Variants in UNC79 observed in about 807,000 individuals in gnomAD.
UNC79 encodes the protein unc-79 subunit of NALCN channel complex.
In UNC79, 37 loss-of-function variants were observed where a neutral mutation model predicts 283.1. The observed-to-expected ratio is 0.13, with a 90% confidence interval of 0.10 to 0.17. UNC79 has a LOEUF of 0.17. Ranked by LOEUF, UNC79 falls within the 10% of genes least tolerant of loss-of-function variation. The pLI is 1.00. For synonymous variants in UNC79, 1,107 were observed against 1,200.2 expected, an observed-to-expected ratio of 0.92 and a Z score of 1.61; for missense variants, 2,272 against 3,211.1, an observed-to-expected ratio of 0.71 and a Z score of 7.07.
At chr14:93,396,445 T>C in intron 1 of UNC79, among the ~76,000 whole-genome samples, 1 of 152,162 alleles carries the variant, frequency 6.6e-6, no homozygotes, top group East Asian at 1.9e-4. Flanking sequence ...TGTTGATTGC[T>C]TGTTTTCCTT....
chr14:93,396,106 ACT>A (rs2054991243), intron 1 of UNC79, among the ~76,000 whole-genome samples: 1 of 148,374 alleles, frequency 6.7e-6, no homozygotes, highest in Non-Finnish European at 1.5e-5. Flanking sequence ...CAGACTAGAC[ACT>A]CTCAATCGAC....
chr14:93,337,840 C>T (rs576462395), intron 1 of UNC79, among the ~76,000 whole-genome samples: 1 of 152,118 alleles, frequency 6.6e-6, no homozygotes, highest in East Asian at 1.9e-4. Flanking sequence ...TGTTTCCAAG[C>T]TTTTGGGTGC....
exon 1 of UNC79, chr14:93,333,293 C>G (rs1330817615): frequency 8.1e-6 from 3 of 371,880 alleles, no homozygotes; most frequent in Non-Finnish European, 4.7e-6. Context: ...CCTGCTTAGT[C>G]CAGCGAATTG....
Position 93,496,408 on chromosome 14 carries a change from C to A in UNC79, c.713-3C>A. On this transcript the variant is annotated splice_region_variant and splice_polypyrimidine_tract_variant and intron_variant, in intron 5 of 48. Transcript: ENST00000555664. ...TGTATGAATTACATTTTCTACATTA[C>A]AGTGTATCATTGTCAATTACTGGAA... 1.3e-6 allele frequency: 2 copies of A among 1,534,696 alleles called. No individual in the cohort carries two copies. The highest frequency in any genetic ancestry group is 2.2e-5 in the Admixed American group (1 of 45,474).
chr14:93,636,115 T>C (rs2068487520), intron 31 of UNC79, among the ~76,000 whole-genome samples: 2 of 152,224 alleles, frequency 1.3e-5, no homozygotes, highest in South Asian at 4.1e-4. Context: ...ACAGTAGTTA[T>C]AAAAAGGCAA....
chr14:93,357,676 CATATAT>C (rs60284787), intron 1 of UNC79, among the ~76,000 whole-genome samples: 1,433 of 32,318 alleles, frequency 0.044, 20 homozygotes, highest in East Asian at 0.055. Flanking sequence ...AATAAACTCC[CATATAT>C]ATATATATAT....
intron 1 of UNC79, chr14:93,347,346 C>T: frequency 6.3e-7 from 1 of 1,597,436 alleles, no homozygotes. Context: ...AGCCCGCTCC[C>T]CGCTTCGCCC....
intron 2 of UNC79, among the ~76,000 whole-genome samples, chr14:93,473,359 A>G (rs772594579): frequency 6.6e-5 from 10 of 152,168 alleles, no homozygotes; most frequent in Non-Finnish European, 1.3e-4. Context: ...AACCATTATC[A>G]TTAGTTCACA....
At chr14:93,459,048 G>A (rs1397250940) in intron 1 of UNC79, among the ~76,000 whole-genome samples, 2 of 152,204 alleles carry the variant, frequency 1.3e-5, no homozygotes, top group Non-Finnish European at 2.9e-5. Flanking sequence ...CTGCAGTGCC[G>A]TGGCGTGATC....
At chr14:93,387,643 AT>A (rs1197281503) in intron 1 of UNC79, among the ~76,000 whole-genome samples, 7 of 152,142 alleles carry the variant, frequency 4.6e-5, no homozygotes, top group Non-Finnish European at 1.5e-5. Flanking sequence ...TTTAAGACTT[AT>A]TTTGTGAACT....
Position 93,393,629 on chromosome 14 carries a change from C to G in UNC79, c.-351+60106C>G, listed in dbSNP as rs549547528. 9.8e-4 allele frequency among the ~76,000 whole-genome samples: 149 copies of G among 152,256 alleles called. 1 individual carries two copies. Among genetic ancestry groups the G allele is most frequent in the African/African-American group, 3.4e-3 (140 of 41,554 alleles). On this transcript the variant is annotated intron_variant, in intron 1 of 49. Transcript: ENST00000256339. Reference sequence around the variant, plus strand: ...GTGAACAATGAATATGCAAACTTTTCTAGGTAGACTGGATAGAATCTTTTA... The same window carrying G: ...GTGAACAATGAATATGCAAACTTTTGTAGGTAGACTGGATAGAATCTTTTA...
chr14:93,462,073 G>A (rs1055857869), intron 1 of UNC79, among the ~76,000 whole-genome samples: 5 of 152,174 alleles, frequency 3.3e-5, no homozygotes, highest in African/African-American at 9.7e-5. Context: ...TTGGGAGGCC[G>A]AGGCGGTCAG....
chr14:93,358,894 T>C (rs1320262440), intron 1 of UNC79, among the ~76,000 whole-genome samples: 1 of 152,162 alleles, frequency 6.6e-6, no homozygotes, highest in East Asian at 1.9e-4. Context: ...ATAACTAGAC[T>C]AAAGTCCCAG....
At chr14:93,463,974 C>T (rs2140235341) in intron 1 of UNC79, among the ~76,000 whole-genome samples, 1 of 152,118 alleles carries the variant, frequency 6.6e-6, no homozygotes, top group East Asian at 1.9e-4. Context: ...ACGGTGAAAC[C>T]CCATCTCTAC....
Position 93,420,114 on chromosome 14 carries a change from A to G in UNC79, c.-350-47557A>G, listed in dbSNP as rs563390669. 1.5e-3 allele frequency among the ~76,000 whole-genome samples: 222 copies of G among 151,426 alleles called. 2 individuals are homozygous for G. Among genetic ancestry groups the G allele is most frequent in the African/African-American group, 5.3e-3 (218 of 41,456 alleles). Reference sequence around the variant, plus strand: ...GGTAGGAGTAAGTCCTTACTTATCAATAATAACATTGAATGTAAATTAACT... The same window carrying G: ...GGTAGGAGTAAGTCCTTACTTATCAGTAATAACATTGAATGTAAATTAACT... On this transcript the variant is annotated intron_variant, in intron 1 of 49. Transcript: ENST00000256339.
At position 93,612,925 on chromosome 14, in the gene UNC79, G is replaced by A. The variant is rs1047896978; in HGVS notation, c.3883G>A (p.Ala1295Thr). The change falls in exon 27 of 49, where the codon GCT becomes ACT. Residue 1295 changes from alanine (A) to threonine (T), a missense_variant. Ala to Thr is a moderately conservative substitution (Grantham distance 58). Around this residue, in one of 11 missense-constraint regions of UNC79, gnomAD observed 128 missense variants for 230.3 expected, o/e 0.56. Coordinates refer to ENST00000555664, the Ensembl canonical transcript of UNC79. ...GTTCATGGCCAAGGATGAAAGCAGC[G>A]CTGAGTCAGACATCAGCAGTGCAAA... 1.1e-5 allele frequency: 17 copies of A among 1,613,946 alleles called. No individual in the cohort carries two copies. The highest frequency in any genetic ancestry group is 6.7e-5 in the Admixed American group (4 of 59,996).
At chr14:93,559,401 T>A (rs2062402217) in intron 14 of UNC79, among the ~76,000 whole-genome samples, 1 of 152,240 alleles carries the variant, frequency 6.6e-6, no homozygotes. Flanking sequence ...TTCATGCACG[T>A]CTGTGTGAAA....
chr14:93,358,423 T>A (rs1335700612), intron 1 of UNC79, among the ~76,000 whole-genome samples: 2 of 152,196 alleles, frequency 1.3e-5, no homozygotes, highest in African/African-American at 4.8e-5. Flanking sequence ...CTTCTAAGAT[T>A]GCCCTGAATG....
chr14:93,349,002 A>G (rs190785514), intron 1 of UNC79, among the ~76,000 whole-genome samples: 184 of 152,270 alleles, frequency 1.2e-3, no homozygotes, highest in African/African-American at 4.2e-3. Flanking sequence ...GCTGCTCACT[A>G]TTTGGGTCCG....
Sources: gnomAD v4.1 joint callset for allele counts (sites outside exome capture counted in the v4.1 genomes callset) on GRCh38, gnomAD v4.1.1 for gene constraint, gnomAD v4.1.1 regional missense constraint, MANE v1.5 for transcripts, NCBI Gene and HGNC (gene_info 2026-07-23, HGNC 2026-07-21) for gene names.